The following SKP2 variants were observed in gnomAD, a reference collection of about 807,000 sequenced individuals.
SKP2 encodes S-phase kinase-associated protein 2.
Under a neutral mutation model 51.8 loss-of-function variants are expected in SKP2, and 16 were observed. That is an observed-to-expected ratio of 0.31 (90% CI 0.21 to 0.47). SKP2 has a LOEUF of 0.47. Among genes scored for constraint, SKP2 ranks in the 20% least tolerant of loss-of-function variants. SKP2 has a pLI of 1.00. For missense variants in SKP2, 377 were observed against 505.3 expected, an observed-to-expected ratio of 0.75 and a Z score of 2.43; for synonymous variants, 176 against 198.6, an observed-to-expected ratio of 0.89 and a Z score of 0.96.
downstream of SKP2, among the ~76,000 whole-genome samples, chr5:36,186,575 C>T (rs1301257551): frequency 6.6e-6 from 1 of 152,176 alleles, no homozygotes; most frequent in Non-Finnish European, 1.5e-5. Context: ...TTGAACCAGC[C>T]TTGCATCCCA....
At chr5:36,152,339 A>G in intron 1 of SKP2, 69 bp downstream of exon 1, 1 of 1,386,644 alleles carries the variant, frequency 7.2e-7, no homozygotes, top group Non-Finnish European at 1.0e-6. Flanking sequence ...GGCCGCGAAT[A>G]TCGCTACTGG....
At chr5:36,166,404 T>C in intron 3 of SKP2, 115 bp from the exon 4 acceptor site, 1 of 840,406 alleles carries the variant, frequency 1.2e-6, no homozygotes, top group Non-Finnish European at 1.9e-6. Flanking sequence ...AAAGTTCTTT[T>C]AGAATATGCT....
chr5:36,170,477 A>G (rs1745434465), intron 6 of SKP2, 35 bp downstream of exon 6: 1 of 1,242,080 alleles, frequency 8.1e-7, no homozygotes, highest in Non-Finnish European at 1.2e-6. Context: ...ATAGACTCTT[A>G]TGTCAAACGT....
intron 1 of SKP2, 54 bp downstream of exon 1, chr5:36,152,324 T>C: frequency 6.5e-7 from 1 of 1,530,372 alleles, no homozygotes; most frequent in Non-Finnish European, 9.1e-7. Flanking sequence ...TTAATAATTC[T>C]TTTAGGCCGC....
At chr5:36,178,460 G>T (rs1018422086) in intron 9 of SKP2, among the ~76,000 whole-genome samples, 1 of 152,114 alleles carries the variant, frequency 6.6e-6, no homozygotes, top group Non-Finnish European at 1.5e-5. Flanking sequence ...GGGGTTCAGG[G>T]TCTGAGCTGG....
intron 6 of SKP2, among the ~76,000 whole-genome samples, chr5:36,171,043 G>T (rs959561334): frequency 2.0e-5 from 3 of 152,126 alleles, no homozygotes; most frequent in African/African-American, 7.2e-5. Flanking sequence ...ATTGCCTCTG[G>T]ATATGCGTGT....
At chr5:36,189,923 G>C (rs1369170792) in intron 6 of SKP2, among the ~76,000 whole-genome samples, 1 of 152,166 alleles carries the variant, frequency 6.6e-6, no homozygotes, top group Non-Finnish European at 1.5e-5. Context: ...GCAATGGCAG[G>C]CACCCCTCCC....
At chr5:36,155,657 G>A (rs570725429) in intron 2 of SKP2, among the ~76,000 whole-genome samples, 2 of 152,084 alleles carry the variant, frequency 1.3e-5, no homozygotes, top group South Asian at 4.1e-4. Flanking sequence ...AATGTTCACC[G>A]CTCTTCTTTG....
rs1027631611 is a variant in SKP2 at position 36,184,152 on chromosome 5, A to G, written c.*2121A>G. ...TAGATACCTCTAAATAAGACTCTTC[A>G]AAACAGAGCCCTGAGATGGTCCTTT... is the stretch of plus-strand genomic sequence containing the variant. On this transcript the variant is annotated 3_prime_UTR_variant, in exon 10 of 10. Coordinates refer to ENST00000274255, the MANE Select transcript of SKP2 (RefSeq NM_005983.4). The G allele has an allele frequency of 5.7e-6, 3 of 528,890 alleles. No individual in the cohort carries two copies. Among genetic ancestry groups the G allele is most frequent in the Non-Finnish European group, 9.9e-6 (3 of 302,836 alleles). The allele number at this position is 528,890 out of a possible 1,614,324, so 32.8% of individuals were successfully genotyped here.
intron 6 of SKP2, among the ~76,000 whole-genome samples, chr5:36,191,923 G>A (rs7719357): frequency 0.5 from 75,450 of 151,884 alleles, 20,001 homozygotes; most frequent in South Asian, 0.71. Flanking sequence ...AACTCAAAAC[G>A]TAACTGCTTT....
intron 3 of SKP2, among the ~76,000 whole-genome samples, chr5:36,166,300 A>G (rs1038975335): frequency 6.6e-6 from 1 of 152,246 alleles, no homozygotes; most frequent in African/African-American, 2.4e-5. Flanking sequence ...GTATATAGAA[A>G]GAGAAAGATG....
In SKP2 at chr5:36,183,220, T is replaced by A. The variant is rs180989398; in HGVS notation, c.*1189T>A. The A allele has an allele frequency of 2.3e-3, 2,124 of 942,200 alleles. 2 individuals are homozygous for A. The highest frequency in any genetic ancestry group is 2.8e-3 in the Middle Eastern group (5 of 1,818). The allele number at this position is 942,200 out of a possible 1,614,324, so 58.4% of individuals were successfully genotyped here. A position where few individuals can be genotyped will look rare whatever the true frequency, so the allele number is the denominator to read the frequency against. On this transcript the variant is annotated 3_prime_UTR_variant, in exon 10 of 10. Coordinates refer to ENST00000274255, the MANE Select transcript of SKP2 (RefSeq NM_005983.4). Reference sequence around the variant, plus strand: ...TTTTGATACCATCAGTGATATATATTTTTTTAAACTGGTACAGAGAAGTGA... The same window carrying A: ...TTTTGATACCATCAGTGATATATATATTTTTAAACTGGTACAGAGAAGTGA...
intron 3 of SKP2, among the ~76,000 whole-genome samples, 197 bp from the exon 4 acceptor site, chr5:36,166,322 C>T (rs113953832): frequency 1.3e-3 from 195 of 152,318 alleles, no homozygotes; most frequent in Non-Finnish European, 1.0e-3. Flanking sequence ...AAGCTTATCC[C>T]TGGTGAAATC....
chr5:36,185,783 T>C (rs1745948652), downstream of SKP2, among the ~76,000 whole-genome samples: 2 of 152,242 alleles, frequency 1.3e-5, no homozygotes, highest in African/African-American at 4.8e-5. Context: ...TTTGCAATTC[T>C]GTGAAAAAAG....
In SKP2 at chr5:36,183,005, T is replaced by C. The variant is rs1579579610; in HGVS notation, c.*974T>C. 11 of 804,828 alleles carry C rather than the reference T, an allele frequency of 1.4e-5. No individual in the cohort carries two copies. Among genetic ancestry groups the C allele is most frequent in the Non-Finnish European group, 1.5e-5 (10 of 675,180 alleles). The allele number at this position is 804,828 out of a possible 1,614,324, so 49.9% of individuals were successfully genotyped here. A position where few individuals can be genotyped will look rare whatever the true frequency, so the allele number is the denominator to read the frequency against. ...AGTATTTTAAATTGTATTTTTTTTT[T>C]AAATGATCTCTCAGCAATAATTGTT... On this transcript the variant is annotated 3_prime_UTR_variant, in exon 10 of 10. Coordinates refer to ENST00000274255, the MANE Select transcript of SKP2 (RefSeq NM_005983.4).
At chr5:36,190,490 T>C (rs1745998280) in intron 6 of SKP2, among the ~76,000 whole-genome samples, 2 of 152,206 alleles carry the variant, frequency 1.3e-5, no homozygotes, top group South Asian at 2.1e-4. Context: ...TTGATCAGGT[T>C]ATACTATGTG....
At chr5:36,190,024 G>A (rs542301475) in intron 6 of SKP2, among the ~76,000 whole-genome samples, 79 of 152,324 alleles carry the variant, frequency 5.2e-4, no homozygotes, top group African/African-American at 1.6e-3. Context: ...TGAGCCAGGC[G>A]CGGGATATAA....
downstream of SKP2, among the ~76,000 whole-genome samples, chr5:36,185,668 G>C (rs1745946485): frequency 6.6e-6 from 1 of 152,182 alleles, no homozygotes; most frequent in Non-Finnish European, 1.5e-5. Context: ...TTGTAGGATA[G>C]TTTGAAGTCA....
In SKP2 at chr5:36,167,910, G is replaced by A. The variant is rs184519787; in HGVS notation, c.537-403G>A. Among the ~76,000 whole-genome samples, 870 of 152,032 alleles carry A rather than the reference G, an allele frequency of 5.7e-3. 5 individuals are homozygous for A. Among genetic ancestry groups the A allele is most frequent in the Non-Finnish European group, 7.6e-3 (515 of 67,922 alleles). ...TGTGATTACAGGCGTGAGCCACTGC[G>A]CCCAGCCTGGTCTCCCTTTAAAACT... On this transcript the variant is annotated intron_variant, in intron 4 of 9. Transcript: ENST00000274255.
Sources: allele counts gnomAD v4.1 joint callset (sites outside exome capture counted in the v4.1 genomes callset), GRCh38; gene constraint gnomAD v4.1.1; transcripts MANE v1.5; gene names NCBI Gene and HGNC (gene_info 2026-07-23, HGNC 2026-07-21).